The following DYSF variants were observed in gnomAD, a reference collection of about 807,000 sequenced individuals.
DYSF encodes the protein dystrophy-associated fer-1-like 1.
In DYSF, 212 loss-of-function variants were observed where a neutral mutation model predicts 274.9. The observed-to-expected ratio is 0.77, with a 90% CI of 0.69 to 0.86. The LOEUF (loss-of-function observed/expected upper bound fraction) is 0.86, where lower values mean the gene tolerates loss of function less well. Ranked by LOEUF, DYSF falls within the 40% of genes least tolerant of loss-of-function variation. The pLI is 0.00. For synonymous variants in DYSF, 1,091 were observed against 1,078.7 expected (o/e 1.01, Z -0.22); for missense variants, 2,666 against 2,783.2 (o/e 0.96, Z 0.95).
intron 30 of DYSF, among the ~76,000 whole-genome samples, chr2:71,584,463 T>A (rs1271836149): frequency 6.6e-6 from 1 of 152,054 alleles, no homozygotes; most frequent in East Asian, 1.9e-4. Flanking sequence ...TCCTGGGGTG[T>A]AAGTGAGTCC....
intron 30 of DYSF, among the ~76,000 whole-genome samples, chr2:71,586,415 T>A (rs2093070427): frequency 6.6e-6 from 1 of 151,960 alleles, no homozygotes. Context: ...AGCAGGCCCC[T>A]GGACCAGGTG....
chr2:71,658,996 G>A lies in DYSF; in HGVS notation c.4874G>A (p.Arg1625Gln), dbSNP rs538781815. 4.0e-5 allele frequency: 64 copies of A among 1,614,054 alleles called. No individual in the cohort carries two copies. The highest frequency in any genetic ancestry group is 1.3e-4 in the East Asian group (6 of 44,884). ...QECLVRIYIV[R>Q]AFGLQPKDPN... ...TGCTTGGTCCGTATCTACATTGTCC[G>A]AGCATTTGGCCTGCAGCCCAAGGAC... Residue 1625 changes from arginine to glutamine, a missense_variant, in exon 44 of 56, where the codon CGA becomes CAA. By Grantham distance (43) the Arg-to-Gln change is conservative. This residue lies in a region of DYSF where 1,460 missense variants were observed against 1,502.1 expected (regional missense o/e 0.97). Transcript: ENST00000410020.
In DYSF at chr2:71,537,218, G is replaced by GT. The variant is rs751063098; in HGVS notation, c.1493+1911dup. ...TATTGCAGGAAATTTTTACTTTCTA[G>GT]TTTTGTTTTTTTTTTTTTTTTTTTT... On this transcript the variant is annotated intron_variant, in intron 16 of 55. Coordinates refer to ENST00000410020, the MANE Select transcript of DYSF (RefSeq NM_001130987.2). Among the ~76,000 whole-genome samples, 346 of 47,620 alleles carry GT rather than the reference G, an allele frequency of 7.3e-3. 16 individuals are homozygous for GT. Among genetic ancestry groups the GT allele is most frequent in the African/African-American group, 0.015 (234 of 15,710 alleles). 31.2% of individuals were successfully genotyped at this position (47,620 alleles called of 152,430 possible). A position where few individuals can be genotyped will look rare whatever the true frequency, so the allele number is the denominator to read the frequency against.
rs11687223 is a variant in DYSF, at chr2:71,520,302, G to T, written c.1033+94G>T. ...GGGGTCCTCACTGTCCCTCCTGGGG[G>T]TTTTAGAATCTAGAGGAAGGGTTTG... On this transcript the variant is annotated intron_variant, in intron 11 of 55. Transcript: ENST00000410020. The T allele has an allele frequency of 0.65, 881,171 of 1,347,194 alleles. 296,044 individuals are homozygous for T. The highest frequency in any genetic ancestry group is 0.77 in the African/African-American group (53,292 of 69,536). 83.5% of individuals were successfully genotyped at this position (1,347,194 alleles called of 1,614,324 possible).
At chr2:71,556,158 C>A in intron 22 of DYSF, 87 bp downstream of exon 22, 1 of 1,137,196 alleles carries the variant, frequency 8.8e-7, no homozygotes, top group Non-Finnish European at 1.3e-6. Context: ...TGGCAGTGAG[C>A]AGTGGCACGT....
At chr2:71,622,130 G>GTTTGTTTTTTT (rs2094118487) in intron 41 of DYSF, among the ~76,000 whole-genome samples, 1 of 97,004 alleles carries the variant, frequency 1.0e-5, no homozygotes, top group Non-Finnish European at 2.0e-5. Context: ...TGATTTCTTT[G>GTTTGTTTTTTT]TTTTTTTTTT....
chr2:71,558,129 AC>A (rs568567164), intron 22 of DYSF, among the ~76,000 whole-genome samples: 25 of 152,210 alleles, frequency 1.6e-4, no homozygotes, highest in African/African-American at 6.0e-4. Flanking sequence ...GAGTGGCAGA[AC>A]CCCCTTGCTG....
At chr2:71,595,233 T>C (rs1373262193) in intron 32 of DYSF, among the ~76,000 whole-genome samples, 1 of 152,224 alleles carries the variant, frequency 6.6e-6, no homozygotes, top group Non-Finnish European at 1.5e-5. Context: ...CTTTTTATAA[T>C]TTTGAACAAT....
At chr2:71,537,126 G>T (rs2089422815) in intron 16 of DYSF, among the ~76,000 whole-genome samples, 1 of 151,566 alleles carries the variant, frequency 6.6e-6, no homozygotes, top group South Asian at 2.1e-4. Context: ...CTAGGGTTTG[G>T]TCATGAAGAC....
At chr2:71,646,987 G>A (rs2094577044) in intron 42 of DYSF, among the ~76,000 whole-genome samples, 1 of 151,278 alleles carries the variant, frequency 6.6e-6, no homozygotes, top group South Asian at 2.1e-4. Context: ...AATAAAAGAT[G>A]TATATTTCAA....
chr2:71,535,822 C>T (rs981210100), intron 16 of DYSF, among the ~76,000 whole-genome samples: 3 of 152,166 alleles, frequency 2.0e-5, no homozygotes, highest in African/African-American at 4.8e-5. Flanking sequence ...CAGCAGCTCA[C>T]GGGCGTCTTA....
chr2:71,558,028 T>C (rs2091457059), intron 22 of DYSF, among the ~76,000 whole-genome samples: 1 of 148,362 alleles, frequency 6.7e-6, no homozygotes, highest in South Asian at 2.1e-4. Flanking sequence ...CAAGACTCTG[T>C]CTCAAAAAAA....
Position 71,574,209 on chromosome 2 carries a change from G to A in DYSF, c.3240G>A (p.Ala1080=), listed in dbSNP as rs759829047. ...QMEALKRHRQ[A]EAEGEGWEYA... is the part of the protein sequence containing the mutation. ...CTTCTCTTGTGCAGCACAGGCAGGC[G>A]GAGGCGGAGGGCGAGGGCTGGGAGT... Residue 1080 remains alanine (A), a synonymous_variant, in exon 30 of 56, where the codon GCG becomes GCA. Coordinates refer to ENST00000410020, the MANE Select transcript of DYSF (RefSeq NM_001130987.2). 18 of 1,613,246 alleles carry A rather than the reference G, an allele frequency of 1.1e-5. No individual in the cohort carries two copies. Among genetic ancestry groups the A allele is most frequent in the East Asian group, 6.7e-5 (3 of 44,888 alleles).
chr2:71,471,521 C>T (rs1442339963), intron 1 of DYSF, among the ~76,000 whole-genome samples: 2 of 152,164 alleles, frequency 1.3e-5, no homozygotes, highest in East Asian at 1.9e-4. Context: ...AATCATGCCA[C>T]GGTTGAGAAT....
At chr2:71,563,275 T>G (rs2152805372) in intron 23 of DYSF, among the ~76,000 whole-genome samples, 1 of 152,346 alleles carries the variant, frequency 6.6e-6, no homozygotes, top group East Asian at 1.9e-4. Context: ...CTGCCTGTCC[T>G]GCCTCCTGGG....
intron 41 of DYSF, among the ~76,000 whole-genome samples, chr2:71,624,386 G>A (rs185592113): frequency 2.0e-5 from 3 of 152,190 alleles, no homozygotes; most frequent in Non-Finnish European, 2.9e-5. Context: ...GGATTTTTAC[G>A]TCTCTATTAA....
At chr2:71,669,968 T>A (rs567222968) in intron 51 of DYSF, among the ~76,000 whole-genome samples, 1 of 152,130 alleles carries the variant, frequency 6.6e-6, no homozygotes, top group East Asian at 1.9e-4. Flanking sequence ...CTCTGTCCCA[T>A]CACAGCCAAT....
At chr2:71,641,793 A>G (rs1198813342) in intron 41 of DYSF, among the ~76,000 whole-genome samples, 1 of 152,142 alleles carries the variant, frequency 6.6e-6, no homozygotes, top group Non-Finnish European at 1.5e-5. Flanking sequence ...TAAATTTCCA[A>G]AAGGTTAGTA....
intron 42 of DYSF, among the ~76,000 whole-genome samples, chr2:71,649,469 G>C (rs2094620039): frequency 6.6e-6 from 1 of 152,112 alleles, no homozygotes; most frequent in Non-Finnish European, 1.5e-5. Flanking sequence ...CTGGGTGATA[G>C]GGAGAAGGAG....
Sources: gnomAD v4.1 joint callset for allele counts (sites outside exome capture counted in the v4.1 genomes callset) on GRCh38, gnomAD v4.1.1 for gene constraint, gnomAD v4.1.1 regional missense constraint, MANE v1.5 for transcripts, NCBI Gene and HGNC (gene_info 2026-07-23, HGNC 2026-07-21) for gene names.